The following TRPA1 variants were observed in gnomAD, a reference collection of about 807,000 sequenced individuals.
TRPA1 encodes the protein transient receptor potential cation channel subfamily A member 1.
A neutral mutation model predicts 131.3 loss-of-function variants in TRPA1; 129 were observed. The ratio of observed to expected loss-of-function variants is 0.98; its 90% CI spans 0.85 to 1.14. The LOEUF is 1.14. Among genes scored for constraint, TRPA1 ranks in the 50% most tolerant of loss-of-function variants. TRPA1 has a pLI of 0.00. For missense variants in TRPA1, 1,304 were observed against 1,354.2 expected, an observed-to-expected ratio of 0.96 and a Z score of 0.58; for synonymous variants, 441 against 451.7, an observed-to-expected ratio of 0.98 and a Z score of 0.30.
At chr8:72,071,908 C>A (rs1424395627) in intron 1 of TRPA1, 41 bp from the exon 2 acceptor site, 2 of 1,580,834 alleles carry the variant, frequency 1.3e-6, no homozygotes, top group Non-Finnish European at 1.7e-6. Flanking sequence ...CAAGCATATG[C>A]AAAACTTATG....
chr8:72,041,758 GAAGA>G (rs925527369), intron 17 of TRPA1, among the ~76,000 whole-genome samples: 6 of 151,640 alleles, frequency 4.0e-5, no homozygotes, highest in Non-Finnish European at 8.9e-5. Context: ...TGTTATAAAA[GAAGA>G]AAGATTTTAA....
chr8:72,064,535 C>T (rs1396850969), intron 4 of TRPA1, among the ~76,000 whole-genome samples: 2 of 151,782 alleles, frequency 1.3e-5, no homozygotes, highest in African/African-American at 4.8e-5. Flanking sequence ...TTTTTATTCT[C>T]TTTATCATTT....
Position 72,046,485 on chromosome 8 carries a change from A to G in TRPA1, c.2061+28T>C, listed in dbSNP as rs777296067. ...AAAAAAAAAAGAAAAAAAAGAAACT[A>G]TTTAGATAATGAAAACATTGAACTT... On this transcript the variant is annotated intron_variant, in intron 17 of 26. Coordinates refer to ENST00000262209, the MANE Select transcript of TRPA1 (RefSeq NM_007332.3). 2.3e-6 allele frequency: 3 copies of G among 1,301,538 alleles called. No homozygotes were observed. The East Asian group carries it at 7.0e-5, about 30-fold the overall frequency. The allele number at this position is 1,301,538 out of a possible 1,614,324, so 80.6% of individuals were successfully genotyped here.
intron 10 of TRPA1, chr8:72,056,124 A>G: frequency 4.1e-6 from 2 of 491,376 alleles, no homozygotes; most frequent in Non-Finnish European, 7.3e-6. Context: ...TGTACTTAAC[A>G]TTTTTAACTC....
In TRPA1 at chr8:72,021,430, G is replaced by T. The variant is rs1018407404; in HGVS notation, c.*1476C>A. 9 of 152,120 alleles carry T rather than the reference G, an allele frequency of 5.9e-5. No homozygotes were observed. The highest frequency in any genetic ancestry group is 2.2e-4 in the African/African-American group (9 of 41,398). The allele number at this position is 152,120 out of a possible 1,614,324, so 9.4% of individuals were successfully genotyped here. A position where few individuals can be genotyped will look rare whatever the true frequency, so the allele number is the denominator to read the frequency against. On this transcript the variant is annotated 3_prime_UTR_variant, in exon 27 of 27. Coordinates refer to ENST00000262209, the MANE Select transcript of TRPA1 (RefSeq NM_007332.3). ...TATGATCAGGAGATCTTTGGATATT[G>T]CTTCTGTATAGTGATTTTCCACCCT...
At chr8:72,045,332 C>A (rs547832190) in intron 17 of TRPA1, among the ~76,000 whole-genome samples, 1 of 151,742 alleles carries the variant, frequency 6.6e-6, no homozygotes, top group African/African-American at 2.4e-5. Context: ...GGGAAATGAA[C>A]TCATTGAAGG....
chr8:72,046,613 AG>A lies in TRPA1; in HGVS notation c.1966-6del. 1 of 1,499,286 alleles carries A rather than the reference AG, an allele frequency of 6.7e-7. No homozygotes were observed. The highest frequency in any genetic ancestry group is 9.2e-7 in the Non-Finnish European group (1 of 1,082,636). The allele number at this position is 1,499,286 out of a possible 1,614,324, so 92.9% of individuals were successfully genotyped here. A position where few individuals can be genotyped will look rare whatever the true frequency, so the allele number is the denominator to read the frequency against. On this transcript the variant is annotated splice_region_variant and splice_polypyrimidine_tract_variant and intron_variant, in intron 16 of 26. Transcript: ENST00000262209. ...ATATTTGAAATTATACTCGATCTGT[AG>A]AAGACAGAATTTTTTTTAAAAAAAT... is the stretch of plus-strand genomic sequence containing the variant.
intron 24 of TRPA1, chr8:72,029,695 G>A (rs1054236255): frequency 1.1e-5 from 7 of 656,304 alleles, no homozygotes; most frequent in African/African-American, 9.0e-5. Context: ...TATTCTCCTG[G>A]GATGCCGGGC....
intron 21 of TRPA1, among the ~76,000 whole-genome samples, chr8:72,034,761 C>T (rs546372887): frequency 7.9e-5 from 12 of 152,104 alleles, no homozygotes; most frequent in Non-Finnish European, 1.8e-4. Flanking sequence ...CCAGGCTGAT[C>T]GTGAACTGCT....
At chr8:72,068,672 T>C (rs1805986007) in intron 3 of TRPA1, among the ~76,000 whole-genome samples, 1 of 152,198 alleles carries the variant, frequency 6.6e-6, no homozygotes, top group African/African-American at 2.4e-5. Context: ...ACTTGTGGTG[T>C]GATGTTAGCC....
intron 14 of TRPA1, among the ~76,000 whole-genome samples, chr8:72,051,189 G>T (rs1456012335): frequency 1.3e-5 from 2 of 152,132 alleles, no homozygotes; most frequent in Non-Finnish European, 2.9e-5. Context: ...TTATGAAATG[G>T]TCAGTACTTA....
intron 17 of TRPA1, among the ~76,000 whole-genome samples, chr8:72,040,923 C>A (rs1025926): frequency 6.6e-6 from 1 of 151,830 alleles, no homozygotes; most frequent in Non-Finnish European, 1.5e-5. Context: ...TAAAATACAA[C>A]GGTTGATTGA....
In TRPA1 at chr8:72,025,681, G is replaced by A. The variant is rs113196532; in HGVS notation, c.3051+279C>T. On this transcript the variant is annotated intron_variant, in intron 25 of 26. Transcript: ENST00000262209. Reference sequence around the variant, plus strand: ...ACTGTAAAAAAGACACTAAAAGGGTGTGGCTGGTCCCCTGCCCATCTGCTC... The same window carrying A: ...ACTGTAAAAAAGACACTAAAAGGGTATGGCTGGTCCCCTGCCCATCTGCTC... 1.4e-3 allele frequency among the ~76,000 whole-genome samples: 215 copies of A among 152,288 alleles called. 2 individuals carry two copies. Among genetic ancestry groups the A allele is most frequent in the South Asian group, 0.012 (56 of 4,822 alleles).
At chr8:72,032,886 T>C (rs929221134) in intron 23 of TRPA1, among the ~76,000 whole-genome samples, 5 of 152,110 alleles carry the variant, frequency 3.3e-5, no homozygotes, top group African/African-American at 4.8e-5. Flanking sequence ...AGAAATTGTG[T>C]GGAATATGTG....
At chr8:72,045,208 A>T (rs906500070) in intron 17 of TRPA1, among the ~76,000 whole-genome samples, 1 of 151,916 alleles carries the variant, frequency 6.6e-6, no homozygotes, top group Admixed American at 6.6e-5. Context: ...CCAGTGTTAA[A>T]GGCATAAAAT....
At chr8:72,056,632 A>T (rs1805673837) in intron 10 of TRPA1, among the ~76,000 whole-genome samples, 1 of 152,130 alleles carries the variant, frequency 6.6e-6, no homozygotes. Context: ...AATGAAGAAA[A>T]TCAAACTAAT....
At chr8:72,075,222 G>C (rs916096481) in intron 1 of TRPA1, 77 bp downstream of exon 1, 6 of 1,136,792 alleles carry the variant, frequency 5.3e-6, no homozygotes, top group Non-Finnish European at 8.0e-6. Flanking sequence ...CAAACCAAGG[G>C]CTGCCCCCAA....
At chr8:72,035,425 GA>G (rs918102807) in intron 21 of TRPA1, among the ~76,000 whole-genome samples, 2 of 152,060 alleles carry the variant, frequency 1.3e-5, no homozygotes, top group African/African-American at 2.4e-5. Flanking sequence ...GATATATGGT[GA>G]AAAAAACATG....
the TRPA1 span, among the ~76,000 whole-genome samples, chr8:72,080,772 G>T: frequency 6.6e-6 from 1 of 151,636 alleles, no homozygotes; most frequent in African/African-American, 2.4e-5. Context: ...GTAAATTTTG[G>T]TAATTTGTTG....
Sources: gnomAD v4.1 joint callset for allele counts (sites outside exome capture counted in the v4.1 genomes callset) on GRCh38, gnomAD v4.1.1 for gene constraint, MANE v1.5 for transcripts, NCBI Gene and HGNC (gene_info 2026-07-23, HGNC 2026-07-21) for gene names.